The following CNTN4 variants were observed in gnomAD, a reference collection of about 807,000 sequenced individuals.
CNTN4 encodes contactin 4, also known as contactin-4.
CNTN4 carries 77 observed loss-of-function variants against 122.5 expected under a neutral mutation model. That is an observed-to-expected ratio of 0.63 (90% CI 0.52 to 0.76). CNTN4 has a LOEUF of 0.76. Among genes scored for constraint, CNTN4 ranks in the 30% least tolerant of loss-of-function variants. CNTN4 has a pLI of 0.00. For missense variants in CNTN4, 1,256 were observed against 1,259.1 expected, an observed-to-expected ratio of 1.00 and a Z score of 0.04; for synonymous variants, 512 against 447.0, an observed-to-expected ratio of 1.15 and a Z score of -1.83.
chr3:2,269,023 G>C (rs1330164510), intron 2 of CNTN4, among the ~76,000 whole-genome samples: 1 of 152,090 alleles, frequency 6.6e-6, no homozygotes, highest in Non-Finnish European at 1.5e-5. Flanking sequence ...AACCAAATAG[G>C]CATCTGTCGA....
rs1196953475 is a variant in CNTN4 at position 2,883,221 on chromosome 3, G to A, written c.729G>A (p.Val243=). The change falls in exon 9 of 25, where the codon GTG becomes GTA. Residue 243 remains valine (V), a synonymous_variant. Coordinates refer to ENST00000418658, the MANE Select transcript of CNTN4 (RefSeq NM_175607.3). ...TTCCGACTGCAAAAGGAGCAACGGT[G>A]AAGCTGGAATGCTTTGCTTTAGGAA... ...ETVPTAKGAT[V]KLECFALGNP... is the part of the protein sequence containing the mutation. 1 of 1,613,762 alleles carries A rather than the reference G, an allele frequency of 6.2e-7. No homozygotes were observed. Among genetic ancestry groups the A allele is most frequent in the South Asian group, 1.1e-5 (1 of 91,020 alleles).
chr3:2,474,356 A>G (rs9826734), intron 3 of CNTN4, among the ~76,000 whole-genome samples: 59,109 of 152,018 alleles, frequency 0.39, 12,048 homozygotes, highest in East Asian at 0.59. Context: ...CTTTTGATTA[A>G]TTAGTGAATT....
chr3:2,738,889 G>A (rs1424490333), intron 5 of CNTN4, among the ~76,000 whole-genome samples: 2 of 151,846 alleles, frequency 1.3e-5, no homozygotes, highest in African/African-American at 4.8e-5. Flanking sequence ...ACTTATAAAA[G>A]AAAATATTTA....
chr3:2,275,956 C>A (rs906203254), intron 2 of CNTN4, among the ~76,000 whole-genome samples: 1 of 147,566 alleles, frequency 6.8e-6, no homozygotes. Context: ...AATATTAAAT[C>A]TTGATTTGAA....
At chr3:2,574,043 C>T (rs1029505866) in intron 4 of CNTN4, among the ~76,000 whole-genome samples, 1 of 151,990 alleles carries the variant, frequency 6.6e-6, no homozygotes, top group Non-Finnish European at 1.5e-5. Flanking sequence ...ATGAAGAAGC[C>T]CCGTCTCTAC....
intron 2 of CNTN4, among the ~76,000 whole-genome samples, chr3:2,135,083 A>G (rs1442673219): frequency 6.6e-6 from 1 of 152,172 alleles, no homozygotes; most frequent in Non-Finnish European, 1.5e-5. Context: ...GGAAACCCTG[A>G]TCTAGTGAAG....
chr3:2,908,261 A>T (rs1559649131), intron 12 of CNTN4, among the ~76,000 whole-genome samples: 1 of 152,248 alleles, frequency 6.6e-6, no homozygotes, highest in Non-Finnish European at 1.5e-5. Flanking sequence ...TGGTGAAAAA[A>T]TAACTTTTCT....
At chr3:2,220,239 C>G (rs1018157208) in intron 2 of CNTN4, among the ~76,000 whole-genome samples, 3 of 152,136 alleles carry the variant, frequency 2.0e-5, no homozygotes, top group African/African-American at 7.2e-5. Flanking sequence ...ATTACACTCT[C>G]CCTTCAGTAA....
At chr3:2,156,254 T>A (rs2035714270) in intron 2 of CNTN4, among the ~76,000 whole-genome samples, 1 of 152,110 alleles carries the variant, frequency 6.6e-6, no homozygotes, top group South Asian at 2.1e-4. Context: ...GTTTGTGGGA[T>A]TCAAAAAACG....
chr3:2,527,499 T>C (rs1194447252), intron 3 of CNTN4, among the ~76,000 whole-genome samples: 1 of 152,232 alleles, frequency 6.6e-6, no homozygotes, highest in East Asian at 1.9e-4. Flanking sequence ...GAGAAACGTC[T>C]TTCAAGATTT....
At chr3:2,453,396 C>T (rs1204839483) in intron 3 of CNTN4, among the ~76,000 whole-genome samples, 1 of 151,990 alleles carries the variant, frequency 6.6e-6, no homozygotes, top group African/African-American at 2.4e-5. Context: ...GGAAAAACAG[C>T]GAAAATCTCG....
At chr3:2,619,708 G>C (rs1165691090) in intron 4 of CNTN4, among the ~76,000 whole-genome samples, 1 of 152,132 alleles carries the variant, frequency 6.6e-6, no homozygotes, top group African/African-American at 2.4e-5. Flanking sequence ...CTTTTCATTT[G>C]CCTGACGAAG....
intron 3 of CNTN4, among the ~76,000 whole-genome samples, chr3:2,543,787 A>G (rs1195544490): frequency 2.6e-5 from 4 of 152,158 alleles, no homozygotes; most frequent in Non-Finnish European, 4.4e-5. Flanking sequence ...TTAATACATT[A>G]TTTAACTTTA....
intron 2 of CNTN4, among the ~76,000 whole-genome samples, chr3:2,253,927 A>C (rs2040473108): frequency 6.6e-6 from 1 of 152,058 alleles, no homozygotes; most frequent in Non-Finnish European, 1.5e-5. Flanking sequence ...TCTGGGATAC[A>C]TGTGCAGAAC....
chr3:2,940,507 A>G (rs561595230), intron 13 of CNTN4, among the ~76,000 whole-genome samples: 1 of 152,316 alleles, frequency 6.6e-6, no homozygotes, highest in African/African-American at 2.4e-5. Flanking sequence ...AGAGAGTGAC[A>G]TATTTGTGGC....
intron 17 of CNTN4, among the ~76,000 whole-genome samples, chr3:3,036,393 C>T (rs1224627587): frequency 6.6e-6 from 1 of 152,106 alleles, no homozygotes; most frequent in African/African-American, 2.4e-5. Flanking sequence ...GAATTCTAGA[C>T]CTGACTGCTA....
intron 6 of CNTN4, among the ~76,000 whole-genome samples, chr3:2,807,886 A>C (rs1208246299): frequency 6.6e-6 from 1 of 152,140 alleles, no homozygotes; most frequent in Admixed American, 6.5e-5. Flanking sequence ...TTTCCTCCCA[A>C]GCTTCTTGGA....
intron 6 of CNTN4, among the ~76,000 whole-genome samples, chr3:2,747,195 G>C (rs9850928): frequency 0.087 from 13,234 of 151,846 alleles, 878 homozygotes; most frequent in African/African-American, 0.19. Flanking sequence ...GGATCACGAG[G>C]TCAGGAGATC....
intron 2 of CNTN4, among the ~76,000 whole-genome samples, chr3:2,132,752 G>A (rs539330974): frequency 6.6e-6 from 1 of 152,214 alleles, no homozygotes; most frequent in African/African-American, 2.4e-5. Flanking sequence ...TCTCTAATAA[G>A]ATTACTGTCA....
Sources: allele counts gnomAD v4.1 joint callset (sites outside exome capture counted in the v4.1 genomes callset), GRCh38; gene constraint gnomAD v4.1.1; transcripts MANE v1.5; gene names NCBI Gene and HGNC (gene_info 2026-07-23, HGNC 2026-07-21).